Variants in PRKCE observed in about 807,000 individuals in gnomAD.
The protein encoded by PRKCE is protein kinase C epsilon type.
PRKCE carries 16 observed loss-of-function variants against 85.4 expected under a neutral mutation model. The ratio of observed to expected loss-of-function variants is 0.19; its 90% CI spans 0.13 to 0.28. PRKCE has a LOEUF of 0.28. Among genes scored for constraint, PRKCE ranks in the 10% least tolerant of loss-of-function variants. The pLI, the probability that PRKCE is intolerant of heterozygous loss-of-function variation, is 1.00. For missense variants in PRKCE, 573 were observed against 975.2 expected (o/e 0.59, Z 5.49); for synonymous variants, 388 against 371.5 (o/e 1.04, Z -0.51).
chr2:45,802,555 C>G (rs1687950092), intron 1 of PRKCE, among the ~76,000 whole-genome samples: 1 of 152,152 alleles, frequency 6.6e-6, no homozygotes, highest in African/African-American at 2.4e-5. Context: ...GAGGCTCTGT[C>G]TTCTGGTGTA....
chr2:45,931,271 G>T (rs961059609), intron 2 of PRKCE, among the ~76,000 whole-genome samples: 1 of 152,208 alleles, frequency 6.6e-6, no homozygotes, highest in Non-Finnish European at 1.5e-5. Flanking sequence ...TTTATGACAT[G>T]CCTGGCTTTG....
chr2:45,684,856 A>G (rs370439487), intron 1 of PRKCE, among the ~76,000 whole-genome samples: 1 of 152,166 alleles, frequency 6.6e-6, no homozygotes, highest in African/African-American at 2.4e-5. Flanking sequence ...TGTAATTTGC[A>G]AATAGGATCT....
chr2:45,734,116 C>T (rs1178077436), intron 1 of PRKCE, among the ~76,000 whole-genome samples: 1 of 152,166 alleles, frequency 6.6e-6, no homozygotes, highest in Non-Finnish European at 1.5e-5. Flanking sequence ...CCTGTAATCC[C>T]AGCACTTTGG....
intron 11 of PRKCE, among the ~76,000 whole-genome samples, chr2:46,119,170 T>C (rs936301741): frequency 6.6e-6 from 1 of 152,002 alleles, no homozygotes; most frequent in African/African-American, 2.4e-5. Context: ...TGAAGTTCAC[T>C]GGGTATGTAA....
chr2:45,910,043 G>GCCCC (rs34134779), intron 2 of PRKCE, among the ~76,000 whole-genome samples: 1 of 147,844 alleles, frequency 6.8e-6, no homozygotes, highest in Non-Finnish European at 1.5e-5. Flanking sequence ...TAAACTCACC[G>GCCCC]CCCCCCCCCA....
In PRKCE at chr2:45,752,490, G is replaced by T. The variant is rs535548864; in HGVS notation, c.349-90510G>T. Among the ~76,000 whole-genome samples the T allele has an allele frequency of 2.6e-5, 4 of 152,038 alleles. No homozygotes were observed. In the South Asian group the frequency reaches 8.3e-4, roughly 32 times the overall value. On this transcript the variant is annotated intron_variant, in intron 1 of 14. Transcript: ENST00000306156. ...TAATTCAGCACTGAGACTCAGAGAA[G>T]CTGGGATTTCTTTCTCCTGTGCATT...
chr2:46,065,182 A>G (rs1464316420), intron 10 of PRKCE, among the ~76,000 whole-genome samples: 3 of 151,906 alleles, frequency 2.0e-5, no homozygotes, highest in Non-Finnish European at 4.4e-5. Flanking sequence ...GATAGTTTAA[A>G]CCTAAAAGCC....
chr2:45,970,946 T>C (rs12466723), intron 2 of PRKCE, among the ~76,000 whole-genome samples: 57,377 of 151,018 alleles, frequency 0.38, 11,049 homozygotes, highest in Middle Eastern at 0.51. Context: ...TACATTTATG[T>C]ATCTGTTATT....
At chr2:45,791,423 G>T (rs374281059) in intron 1 of PRKCE, among the ~76,000 whole-genome samples, 2 of 152,184 alleles carry the variant, frequency 1.3e-5, no homozygotes, top group South Asian at 2.1e-4. Flanking sequence ...CCCTACACCC[G>T]CTGGGCCTTG....
At chr2:45,885,002 T>TTTTTTTTTGTTG (rs375477829) in intron 2 of PRKCE, among the ~76,000 whole-genome samples, 27 of 97,662 alleles carry the variant, frequency 2.8e-4, no homozygotes, top group Non-Finnish European at 4.6e-4. Context: ...TATATATATA[T>TTTTTTTTTGTTG]TTGTTGTTGT....
intron 2 of PRKCE, among the ~76,000 whole-genome samples, chr2:45,965,715 G>A (rs1390274399): frequency 6.6e-6 from 1 of 152,180 alleles, no homozygotes; most frequent in Non-Finnish European, 1.5e-5. Flanking sequence ...ACATTTTTAG[G>A]ATGAATAGCT....
chr2:46,092,121 T>C (rs1028330117), intron 11 of PRKCE, among the ~76,000 whole-genome samples: 1 of 152,226 alleles, frequency 6.6e-6, no homozygotes, highest in Non-Finnish European at 1.5e-5. Context: ...TTGTGAAGTT[T>C]AGATAGTACC....
chr2:45,682,966 G>T (rs1398423184), intron 1 of PRKCE, among the ~76,000 whole-genome samples: 3 of 152,190 alleles, frequency 2.0e-5, no homozygotes, highest in Non-Finnish European at 4.4e-5. Context: ...TGTGTATGTA[G>T]TTGTAAAGTC....
At chr2:45,666,269 C>A (rs1675906822) in intron 1 of PRKCE, among the ~76,000 whole-genome samples, 1 of 152,092 alleles carries the variant, frequency 6.6e-6, no homozygotes, top group African/African-American at 2.4e-5. Context: ...TAGTCTGGTT[C>A]CCTGGAATCC....
intron 2 of PRKCE, among the ~76,000 whole-genome samples, chr2:45,850,972 A>G (rs1418888336): frequency 6.6e-6 from 1 of 152,236 alleles, no homozygotes; most frequent in Non-Finnish European, 1.5e-5. Context: ...GAAGGAGGCA[A>G]GCAATAGACC....
intron 1 of PRKCE, among the ~76,000 whole-genome samples, chr2:45,764,648 T>C (rs1558646731): frequency 1.3e-5 from 2 of 152,208 alleles, no homozygotes; most frequent in East Asian, 3.8e-4. Flanking sequence ...TTCATCCATT[T>C]CTTTTATATC....
intron 1 of PRKCE, among the ~76,000 whole-genome samples, chr2:45,792,175 A>T (rs1357631997): frequency 6.6e-6 from 1 of 152,034 alleles, no homozygotes; most frequent in Non-Finnish European, 1.5e-5. Flanking sequence ...GGCAAAGGGG[A>T]AGTGGTGCAA....
intron 10 of PRKCE, among the ~76,000 whole-genome samples, chr2:46,058,204 T>C (rs1666777408): frequency 1.3e-5 from 2 of 152,218 alleles, no homozygotes; most frequent in Admixed American, 6.5e-5. Flanking sequence ...CACGGAGGAC[T>C]GAGTTTTGCT....
At chr2:46,117,415 C>A (rs1672881293) in intron 11 of PRKCE, among the ~76,000 whole-genome samples, 1 of 152,086 alleles carries the variant, frequency 6.6e-6, no homozygotes, top group Admixed American at 6.5e-5. Context: ...ATAATGTAAG[C>A]CTGTAAAGGA....
Sources: gnomAD v4.1 joint callset for allele counts (sites outside exome capture counted in the v4.1 genomes callset) on GRCh38, gnomAD v4.1.1 for gene constraint, MANE v1.5 for transcripts, NCBI Gene and HGNC (gene_info 2026-07-23, HGNC 2026-07-21) for gene names.